The following DYNC2I1 variants were observed in gnomAD, a reference collection of about 807,000 sequenced individuals.
DYNC2I1 encodes the protein dynein 2 intermediate chain 1, also known as cytoplasmic dynein 2 intermediate chain 1.
Under a neutral mutation model 133.4 loss-of-function variants are expected in DYNC2I1, and 89 were observed. That is an observed-to-expected ratio of 0.67 (90% confidence interval 0.56 to 0.80). DYNC2I1 has a LOEUF of 0.80. Ranked by LOEUF, DYNC2I1 falls within the 30% of genes least tolerant of loss-of-function variation. The pLI, the probability that DYNC2I1 is intolerant of heterozygous loss-of-function variation, is 0.00. For missense variants in DYNC2I1, 1,291 were observed against 1,314.5 expected (o/e 0.98, Z 0.28); for synonymous variants, 504 against 484.3 (o/e 1.04, Z -0.54).
intron 24 of DYNC2I1, among the ~76,000 whole-genome samples, chr7:158,942,438 C>T (rs193012474): frequency 4.8e-4 from 73 of 152,362 alleles, no homozygotes; most frequent in Non-Finnish European, 8.8e-4. Context: ...ACCACCACCA[C>T]CGAGTCGACG....
intron 20 of DYNC2I1, 59 bp from the exon 21 acceptor site, chr7:158,930,396 C>A: frequency 7.0e-7 from 1 of 1,434,336 alleles, no homozygotes. Context: ...GCAACTATAA[C>A]TAGATTTTGA....
chr7:158,841,248 C>T, the DYNC2I1 span, among the ~76,000 whole-genome samples: 1 of 131,670 alleles, frequency 7.6e-6, no homozygotes, highest in African/African-American at 2.9e-5. Context: ...GCACTGTCAC[C>T]CAGGCTGGAG....
At chr7:158,920,165 G>C (rs1181621615) in intron 15 of DYNC2I1, among the ~76,000 whole-genome samples, 2 of 151,794 alleles carry the variant, frequency 1.3e-5, no homozygotes, top group East Asian at 3.9e-4. Flanking sequence ...TGAAGTGTGT[G>C]TGTGTACCAC....
intron 3 of DYNC2I1, among the ~76,000 whole-genome samples, chr7:158,875,200 A>G (rs906030474): frequency 3.4e-5 from 5 of 149,160 alleles, no homozygotes; most frequent in East Asian, 4.0e-4. Context: ...GGTTCAAGCA[A>G]TTCTCTTCCT....
the DYNC2I1 span, among the ~76,000 whole-genome samples, chr7:158,839,723 G>A: frequency 6.6e-6 from 1 of 152,156 alleles, no homozygotes; most frequent in Non-Finnish European, 1.5e-5. Context: ...GGGAGGCTGA[G>A]GCAGGAGAAT....
rs762582872 is a variant in DYNC2I1 at position 158,871,220 on chromosome 7, C to T, written c.148C>T (p.Pro50Ser). ...GCGTAAGGAGTCTGAGATGGACCTT[C>T]CTGAACATAAGGAGCCGAGGTGCAG... ...KLRKESEMDLPEHKEPRCRDP... is the reference protein window; with the variant it reads ...KLRKESEMDLSEHKEPRCRDP... Residue 50 changes from proline to serine, a missense_variant, in exon 3 of 25, where the codon CCT becomes TCT. Pro to Ser is a moderately conservative substitution (Grantham distance 74, BLOSUM62 -1). Transcript: ENST00000407559. The T allele has an allele frequency of 6.2e-7, 1 of 1,613,518 alleles. No individual in the cohort carries two copies. The highest frequency in any genetic ancestry group is 8.5e-7 in the Non-Finnish European group (1 of 1,179,726).
At chr7:158,903,668 G>A (rs1846458123) in intron 10 of DYNC2I1, 1 of 152,182 alleles carries the variant, frequency 6.6e-6, no homozygotes, top group African/African-American at 2.4e-5. Flanking sequence ...TGAGGCTCAG[G>A]GACTGTTTCC....
At chr7:158,956,904 C>G (rs991409032), downstream of DYNC2I1, among the ~76,000 whole-genome samples, 1 of 152,208 alleles carries the variant, frequency 6.6e-6, no homozygotes, top group Admixed American at 6.5e-5. Flanking sequence ...GTGGTTCGAG[C>G]AAGCGTGGCT....
rs575130357 is a variant in DYNC2I1, at chr7:158,908,860, C to T, written c.1461-2690C>T. Among the ~76,000 whole-genome samples the T allele has an allele frequency of 5.3e-5, 8 of 152,274 alleles. No individual in the cohort carries two copies. The East Asian group carries it at 1.5e-3, about 29-fold the overall frequency. Reference sequence around the variant, plus strand: ...TAATGTGTTTGCTTGTTTTCTCTTACATTATTCCCCAGTCTCTCACCAGAT... The same window carrying T: ...TAATGTGTTTGCTTGTTTTCTCTTATATTATTCCCCAGTCTCTCACCAGAT... On this transcript the variant is annotated intron_variant, in intron 11 of 24. Transcript: ENST00000407559.
At chr7:158,948,086 C>T (rs945195696), downstream of DYNC2I1, among the ~76,000 whole-genome samples, 1 of 152,220 alleles carries the variant, frequency 6.6e-6, no homozygotes, top group African/African-American at 2.4e-5. Context: ...CCTGCCCTGG[C>T]GCTAGCGATG....
At position 158,902,386 on chromosome 7, in the gene DYNC2I1, A is replaced by G; in HGVS notation, c.1148A>G (p.Asp383Gly). 6.2e-7 allele frequency: 1 copy of G among 1,612,418 alleles called. No homozygotes were observed. The highest frequency in any genetic ancestry group is 1.1e-5 in the South Asian group (1 of 90,860). Residue 383 changes from aspartate (D) to glycine (G), a missense_variant, in exon 10 of 25, where the codon GAT becomes GGT. Transcript: ENST00000407559. ...TATTATTGTTTGCAGGACTATGAAG[A>G]TGACTTTGAGGTTTGTGATGGTGAT... ...SCEDDFEDYE[D>G]DFEVCDGDDD...
intron 4 of DYNC2I1, among the ~76,000 whole-genome samples, chr7:158,878,571 G>C (rs1843629133): frequency 7.6e-6 from 1 of 132,098 alleles, no homozygotes; most frequent in East Asian, 2.5e-4. Flanking sequence ...GGCGCCATGT[G>C]GGGAGGCGAG....
At chr7:158,887,391 C>G (rs1844707005) in intron 7 of DYNC2I1, among the ~76,000 whole-genome samples, 2 of 152,040 alleles carry the variant, frequency 1.3e-5, no homozygotes, top group African/African-American at 4.8e-5. Flanking sequence ...TCAGAATGAG[C>G]AAATAATTGG....
At chr7:158,890,005 C>CAAAAAAAA (rs35423707) in intron 7 of DYNC2I1, among the ~76,000 whole-genome samples, 2 of 67,986 alleles carry the variant, frequency 2.9e-5, no homozygotes, top group Non-Finnish European at 5.7e-5. Flanking sequence ...GACTCCTTCT[C>CAAAAAAAA]AAAAAAAAAA....
chr7:158,922,114 G>A (rs989205416), intron 15 of DYNC2I1, among the ~76,000 whole-genome samples: 1 of 152,196 alleles, frequency 6.6e-6, no homozygotes, highest in African/African-American at 2.4e-5. Flanking sequence ...GCTGGTTTCT[G>A]TGGGAGTCGC....
chr7:158,910,480 G>C (rs1245015890), intron 11 of DYNC2I1, among the ~76,000 whole-genome samples: 1 of 149,070 alleles, frequency 6.7e-6, no homozygotes, highest in African/African-American at 2.5e-5. Flanking sequence ...GGCCGAGTGC[G>C]ATTGGCTGTG....
chr7:158,889,460 A>G (rs989281787), intron 7 of DYNC2I1, among the ~76,000 whole-genome samples: 1 of 152,070 alleles, frequency 6.6e-6, no homozygotes, highest in Non-Finnish European at 1.5e-5. Flanking sequence ...TTTTGTGGAT[A>G]CATTTCTTGA....
the DYNC2I1 span, among the ~76,000 whole-genome samples, chr7:158,846,514 A>C: frequency 6.6e-6 from 1 of 152,214 alleles, no homozygotes; most frequent in Non-Finnish European, 1.5e-5. Context: ...TGTTAGTAAA[A>C]AAAGGAATTT....
chr7:158,872,294 C>T lies in DYNC2I1; in HGVS notation c.490+732C>T, dbSNP rs569680639. Among the ~76,000 whole-genome samples, 4 of 152,162 alleles carry T rather than the reference C, an allele frequency of 2.6e-5. No homozygotes were observed. In the East Asian group the frequency reaches 5.8e-4, roughly 22 times the overall value. The stretch of plus-strand genomic sequence containing the variant: ...TTGTGCCACTGCACTGCAGCCTGGG[C>T]AACAGAGTGAGACCCTGTCTCAAAA... On this transcript the variant is annotated intron_variant, in intron 3 of 24. Transcript: ENST00000407559.
Sources: allele counts gnomAD v4.1 joint callset (sites outside exome capture counted in the v4.1 genomes callset), GRCh38; gene constraint gnomAD v4.1.1; transcripts MANE v1.5; gene names NCBI Gene and HGNC (gene_info 2026-07-23, HGNC 2026-07-21).